The following MYZAP variants were observed in gnomAD, a reference collection of about 807,000 sequenced individuals.
MYZAP encodes the protein GRINL1A complex locus upstream.
A neutral mutation model predicts 69.4 loss-of-function variants in MYZAP; 66 were observed. The observed-to-expected ratio is 0.95, with a 90% CI of 0.78 to 1.17. MYZAP has a LOEUF of 1.17. Among genes scored for constraint, MYZAP ranks in the 50% most tolerant of loss-of-function variants. The probability of loss-of-function intolerance (pLI) is 0.00; values close to 1 mark genes in which losing one functional copy is unlikely to be tolerated. For missense variants in MYZAP, 611 were observed against 556.2 expected (o/e 1.10, Z -0.99); for synonymous variants, 256 against 205.9 (o/e 1.24, Z -2.09).
intron 10 of MYZAP, among the ~76,000 whole-genome samples, chr15:57,652,077 G>T (rs891436547): frequency 6.6e-6 from 1 of 152,098 alleles, no homozygotes; most frequent in Non-Finnish European, 1.5e-5. Context: ...TTCATATCTA[G>T]CCTGGCTGAA....
intron 8 of MYZAP, among the ~76,000 whole-genome samples, chr15:57,634,025 T>A (rs539987091): frequency 1.3e-5 from 2 of 152,292 alleles, no homozygotes; most frequent in East Asian, 3.9e-4. Flanking sequence ...GTGAACTTAG[T>A]TTATCCATTG....
At chr15:57,615,307 G>T (rs568924889) in intron 2 of MYZAP, among the ~76,000 whole-genome samples, 2 of 152,158 alleles carry the variant, frequency 1.3e-5, no homozygotes, top group African/African-American at 4.8e-5. Flanking sequence ...AACAAAAAAT[G>T]AAAATTTGAA....
At chr15:57,663,935 C>T (rs2038438602) in intron 11 of MYZAP, among the ~76,000 whole-genome samples, 1 of 152,026 alleles carries the variant, frequency 6.6e-6, no homozygotes, top group Non-Finnish European at 1.5e-5. Context: ...CTTCACACAT[C>T]CACCTTAAAT....
At chr15:57,637,357 A>G (rs2036876170) in intron 8 of MYZAP, among the ~76,000 whole-genome samples, 1 of 152,204 alleles carries the variant, frequency 6.6e-6, no homozygotes, top group South Asian at 2.1e-4. Context: ...AGAAAATAAT[A>G]AAGAATTTTG....
intron 6 of MYZAP, among the ~76,000 whole-genome samples, chr15:57,631,170 G>A (rs1419431430): frequency 1.6e-5 from 2 of 122,492 alleles, no homozygotes; most frequent in Non-Finnish European, 3.7e-5. Flanking sequence ...TGAAATTACT[G>A]ATTTAAGTAA....
intron 12 of MYZAP, 121 bp downstream of exon 12, chr15:57,675,189 C>T (rs1236693673): frequency 1.9e-5 from 17 of 903,426 alleles, no homozygotes; most frequent in East Asian, 2.7e-5. Flanking sequence ...TCTGCAAAGC[C>T]GAGTGGTGGC....
chr15:57,613,136 G>C lies in MYZAP; in HGVS notation c.163-4897G>C, dbSNP rs561574546. Among the ~76,000 whole-genome samples the C allele has an allele frequency of 9.9e-5, 15 of 152,078 alleles. No homozygotes were observed. In the East Asian group the frequency reaches 2.9e-3, roughly 30 times the overall value. ...TTTATTAGAGATGGGGTTTCACCGTGTTAGCCAGGATGGTCTCCATCTCCT... is the reference window on the plus strand; with the variant it reads ...TTTATTAGAGATGGGGTTTCACCGTCTTAGCCAGGATGGTCTCCATCTCCT... On this transcript the variant is annotated intron_variant, in intron 2 of 12. Transcript: ENST00000267853.
At chr15:57,616,577 A>G (rs1251183374) in intron 2 of MYZAP, among the ~76,000 whole-genome samples, 1 of 152,158 alleles carries the variant, frequency 6.6e-6, no homozygotes, top group African/African-American at 2.4e-5. Context: ...CGGAGGTTGC[A>G]GTGAGCCAAG....
rs1409789929 is a variant in MYZAP at position 57,684,655 on chromosome 15, A to G, written c.*157A>G. 6.6e-6 allele frequency: 4 copies of G among 605,250 alleles called. No homozygotes were observed. Among genetic ancestry groups the G allele is most frequent in the African/African-American group, 1.8e-5 (1 of 54,270 alleles). 37.5% of individuals were successfully genotyped at this position (605,250 alleles called of 1,614,324 possible). ...GATCCACTTCTAAGACAGGAAGGAA[A>G]GTGAAGGCAGAGTGAGCAGGTAAGA... On this transcript the variant is annotated 3_prime_UTR_variant, in exon 13 of 13. Coordinates refer to ENST00000267853, the MANE Select transcript of MYZAP (RefSeq NM_001018100.5).
chr15:57,661,301 T>C, intron 10 of MYZAP, 149 bp from the exon 11 acceptor site: 1 of 665,214 alleles, frequency 1.5e-6, no homozygotes, highest in Non-Finnish European at 2.6e-6. Flanking sequence ...GCTGTTTCAA[T>C]GAAAACCATC....
intron 5 of MYZAP, among the ~76,000 whole-genome samples, chr15:57,628,393 C>T (rs2036285496): frequency 6.6e-6 from 1 of 152,102 alleles, no homozygotes; most frequent in South Asian, 2.1e-4. Flanking sequence ...CCTCAGCCTC[C>T]TGGGTAGCTG....
At chr15:57,612,249 C>G (rs796193024) in intron 2 of MYZAP, among the ~76,000 whole-genome samples, 1 of 152,132 alleles carries the variant, frequency 6.6e-6, no homozygotes, top group Non-Finnish European at 1.5e-5. Context: ...GGAAGTCACA[C>G]GAGTCACATT....
At chr15:57,616,080 A>G (rs1408735956) in intron 2 of MYZAP, among the ~76,000 whole-genome samples, 2 of 152,232 alleles carry the variant, frequency 1.3e-5, no homozygotes, top group African/African-American at 4.8e-5. Context: ...TTTAATCATC[A>G]TCACATAGTT....
At chr15:57,672,583 A>G (rs1458484380) in intron 11 of MYZAP, among the ~76,000 whole-genome samples, 1 of 152,180 alleles carries the variant, frequency 6.6e-6, no homozygotes, top group Non-Finnish European at 1.5e-5. Context: ...TGCTGTCTTT[A>G]GTCTTATTTT....
chr15:57,638,841 C>G (rs1447045249), intron 9 of MYZAP, among the ~76,000 whole-genome samples: 2 of 152,294 alleles, frequency 1.3e-5, no homozygotes. Context: ...TATTGTGTTG[C>G]TGGACCCCTT....
chr15:57,605,663 G>C (rs1223459039), intron 2 of MYZAP, among the ~76,000 whole-genome samples: 1 of 152,198 alleles, frequency 6.6e-6, no homozygotes, highest in Non-Finnish European at 1.5e-5. Flanking sequence ...GTTCTGACTA[G>C]AGAAAGGTGA....
At chr15:57,661,907 G>A (rs117177286) in intron 11 of MYZAP, among the ~76,000 whole-genome samples, 2,724 of 152,286 alleles carry the variant, frequency 0.018, 44 homozygotes, top group Middle Eastern at 0.034. Context: ...AGAAAGGCAA[G>A]ACTAAGATTA....
intron 3 of MYZAP, among the ~76,000 whole-genome samples, chr15:57,618,490 T>C (rs1399611816): frequency 6.6e-6 from 1 of 152,190 alleles, no homozygotes; most frequent in Non-Finnish European, 1.5e-5. Context: ...TTTTCTTTAT[T>C]GCACTTACCA....
chr15:57,617,828 C>T (rs2035566445), intron 2 of MYZAP, among the ~76,000 whole-genome samples: 1 of 152,146 alleles, frequency 6.6e-6, no homozygotes, highest in Non-Finnish European at 1.5e-5. Flanking sequence ...CGGTGCTCTT[C>T]CTCCGGGGTA....
Sources: allele counts gnomAD v4.1 joint callset (sites outside exome capture counted in the v4.1 genomes callset), GRCh38; gene constraint gnomAD v4.1.1; transcripts MANE v1.5; gene names NCBI Gene and HGNC (gene_info 2026-07-23, HGNC 2026-07-21).